RAB3GAP2: variants seen among roughly 807,000 people sequenced by gnomAD.
RAB3GAP2 encodes the protein rab3 GTPase-activating protein non-catalytic subunit.
A neutral mutation model predicts 185.3 loss-of-function variants in RAB3GAP2; 87 were observed. That is an observed-to-expected ratio of 0.47 (90% CI 0.39 to 0.56). RAB3GAP2 has a LOEUF of 0.56. Ranked by LOEUF, RAB3GAP2 falls within the 20% of genes least tolerant of loss-of-function variation. The pLI is 0.00. For missense variants in RAB3GAP2, 1,492 were observed against 1,638.2 expected, an observed-to-expected ratio of 0.91 and a Z score of 1.54; for synonymous variants, 554 against 576.1, an observed-to-expected ratio of 0.96 and a Z score of 0.55.
chr1:220,252,291 TA>T (rs1417898552), intron 1 of RAB3GAP2, among the ~76,000 whole-genome samples: 1 of 152,030 alleles, frequency 6.6e-6, no homozygotes. Context: ...ATATGCATTT[TA>T]TAAAAATGAG....
At chr1:220,254,340 G>A (rs1437518544) in intron 1 of RAB3GAP2, 3 of 1,613,412 alleles carry the variant, frequency 1.9e-6, no homozygotes, top group African/African-American at 1.3e-5. Context: ...TGTCCCAGGT[G>A]TATGGAGCGC....
chr1:220,267,572 T>C lies in RAB3GAP2; in HGVS notation c.115+4651A>G, dbSNP rs547738054. On this transcript the variant is annotated intron_variant, in intron 1 of 34. Coordinates refer to ENST00000358951, the MANE Select transcript of RAB3GAP2 (RefSeq NM_012414.4). ...TTGATTCTTCATTTTTCTGTTTTGA[T>C]GCCAGTTCCTCCTCAGGATTATTTT... is the stretch of plus-strand genomic sequence containing the variant. The C allele has an allele frequency of 6.7e-5, 92 of 1,367,916 alleles. 1 individual carries two copies. The highest frequency in any genetic ancestry group is 1.4e-4 in the South Asian group (12 of 86,000). 84.7% of individuals were successfully genotyped at this position (1,367,916 alleles called of 1,614,324 possible).
At chr1:220,187,950 T>C (rs1658535692) in intron 17 of RAB3GAP2, among the ~76,000 whole-genome samples, 1 of 152,064 alleles carries the variant, frequency 6.6e-6, no homozygotes. Flanking sequence ...GACTGGTACC[T>C]GAAGTAGGTA....
rs780329389 is a variant in RAB3GAP2 at position 220,162,168 on chromosome 1, A to G, written c.3225+30T>C. 4 of 1,439,674 alleles carry G rather than the reference A, an allele frequency of 2.8e-6. No individual in the cohort carries two copies. In the South Asian group the frequency reaches 4.6e-5, roughly 17 times the overall value. 89.2% of individuals were successfully genotyped at this position (1,439,674 alleles called of 1,614,324 possible). A position where few individuals can be genotyped will look rare whatever the true frequency, so the allele number is the denominator to read the frequency against. On this transcript the variant is annotated intron_variant, in intron 28 of 34. Transcript: ENST00000358951. ...TTAGTCAAATAAGAGAATCAAATAAATAAGAAGTCAATACATGAAACTACC... is the reference window on the plus strand; with the variant it reads ...TTAGTCAAATAAGAGAATCAAATAAGTAAGAAGTCAATACATGAAACTACC...
chr1:220,261,012 C>T (rs1660125935), intron 1 of RAB3GAP2, among the ~76,000 whole-genome samples: 1 of 151,994 alleles, frequency 6.6e-6, no homozygotes, highest in Admixed American at 6.5e-5. Context: ...GTTTTAACGT[C>T]TGAAAGGTAG....
At chr1:220,187,000 A>C (rs1489010037) in intron 17 of RAB3GAP2, among the ~76,000 whole-genome samples, 1 of 152,194 alleles carries the variant, frequency 6.6e-6, no homozygotes, top group African/African-American at 2.4e-5. Flanking sequence ...TAGCATTGTC[A>C]GTAGAATGGA....
chr1:220,203,251 AAC>A (rs1658896106), intron 8 of RAB3GAP2, among the ~76,000 whole-genome samples: 2 of 152,224 alleles, frequency 1.3e-5, no homozygotes, highest in African/African-American at 2.4e-5. Flanking sequence ...AAGGAAAAGC[AAC>A]AGTTACATCT....
intron 1 of RAB3GAP2, chr1:220,267,262 T>C: frequency 3.3e-6 from 3 of 909,416 alleles, no homozygotes; most frequent in South Asian, 1.3e-5. Flanking sequence ...AAGTTCTGTA[T>C]TGACTGTTTC....
At position 220,190,445 on chromosome 1, in the gene RAB3GAP2, C is replaced by A; in HGVS notation, c.1563G>T (p.Gln521His). Reference sequence around the variant, plus strand: ...CAGACACTGGATCAACCAGACAGATCTGATAAGTCTGTGGCTGCCAACTCT... The same window carrying A: ...CAGACACTGGATCAACCAGACAGATATGATAAGTCTGTGGCTGCCAACTCT... Reference protein sequence around the residue: ...TSQSWQPQTYQICLVDPVSGS... With the variant: ...TSQSWQPQTYHICLVDPVSGS... The change falls in exon 15 of 35, where the codon CAG (glutamine) becomes CAT (histidine). Residue 521 changes from glutamine to histidine, a missense_variant. Around this residue, in one of 5 missense-constraint regions of RAB3GAP2, gnomAD observed 681 missense variants for 689.1 expected, o/e 0.99. Transcript: ENST00000358951. 1 of 1,613,362 alleles carries A rather than the reference C, an allele frequency of 6.2e-7. No homozygotes were observed. Among genetic ancestry groups the A allele is most frequent in the Non-Finnish European group, 8.5e-7 (1 of 1,179,296 alleles).
At chr1:220,188,640 C>T (rs1487884980) in intron 17 of RAB3GAP2, among the ~76,000 whole-genome samples, 2 of 152,176 alleles carry the variant, frequency 1.3e-5, no homozygotes, top group East Asian at 3.9e-4. Context: ...AATTTGCCAT[C>T]AACTAGTACA....
At chr1:220,262,306 AAAAC>A (rs372184937) in intron 1 of RAB3GAP2, among the ~76,000 whole-genome samples, 9,551 of 151,900 alleles carry the variant, frequency 0.063, 371 homozygotes, top group Middle Eastern at 0.099. Flanking sequence ...GTCTCAAGAA[AAAAC>A]AAACAAACAA....
Position 220,246,971 on chromosome 1 carries a change from G to A in RAB3GAP2, c.116-14108C>T, listed in dbSNP as rs183368707. ...GCACATGAACAGATATTTCTCTAAA[G>A]AAGATATACAAACAGCCAACAAATA... On this transcript the variant is annotated intron_variant, in intron 1 of 34. Transcript: ENST00000358951. Among the ~76,000 whole-genome samples, 270 of 152,158 alleles carry A rather than the reference G, an allele frequency of 1.8e-3. 2 individuals carry two copies. The highest frequency in any genetic ancestry group is 2.3e-3 in the Non-Finnish European group (157 of 67,996).
chr1:220,270,485 T>C (rs1660315433), intron 1 of RAB3GAP2, among the ~76,000 whole-genome samples: 1 of 152,190 alleles, frequency 6.6e-6, no homozygotes, highest in Non-Finnish European at 1.5e-5. Context: ...AGGTTGAAAA[T>C]CTGTATCCTT....
rs1310574245 is a variant in RAB3GAP2, at chr1:220,205,954, A to G, written c.665T>C (p.Phe222Ser). The change falls in exon 8 of 35, where the codon TTT becomes TCT. Residue 222 changes from phenylalanine to serine, a missense_variant. Coordinates refer to ENST00000358951, the MANE Select transcript of RAB3GAP2 (RefSeq NM_012414.4). ...AGCACGAAGAGATTGAAAAAGGCTAAATCCATCAATAGTCACAATGGCAGC... is the reference window on the plus strand; with the variant it reads ...AGCACGAAGAGATTGAAAAAGGCTAGATCCATCAATAGTCACAATGGCAGC... ...YPAAIVTIDG[F>S]SLFQSLRACR... The G allele has an allele frequency of 1.9e-6, 3 of 1,611,878 alleles. No homozygotes were observed. Among genetic ancestry groups the G allele is most frequent in the Non-Finnish European group, 2.5e-6 (3 of 1,178,254 alleles).
chr1:220,184,254 A>T, intron 18 of RAB3GAP2, 91 bp from the exon 19 acceptor site: 1 of 1,226,808 alleles, frequency 8.2e-7, no homozygotes, highest in South Asian at 1.3e-5. Flanking sequence ...AATATTATGT[A>T]ATTCCCTGAT....
At chr1:220,174,582 G>C (rs1447682069) in intron 21 of RAB3GAP2, among the ~76,000 whole-genome samples, 2 of 152,066 alleles carry the variant, frequency 1.3e-5, no homozygotes, top group Admixed American at 1.3e-4. Context: ...AGTTATTATT[G>C]ACTATAGTCA....
At position 220,190,161 on chromosome 1, in the gene RAB3GAP2, A is replaced by G. The variant is rs1369215138; in HGVS notation, c.1632-15T>C. On this transcript the variant is annotated splice_polypyrimidine_tract_variant and intron_variant, in intron 15 of 34. Transcript: ENST00000358951. Reference sequence around the variant, plus strand: ...TCTTCTTATCACTAAACCAATAAATATAACAAATTATTACAGAATGTGAAA... The same window carrying G: ...TCTTCTTATCACTAAACCAATAAATGTAACAAATTATTACAGAATGTGAAA... 2 of 1,590,996 alleles carry G rather than the reference A, an allele frequency of 1.3e-6. No individual in the cohort carries two copies. The highest frequency in any genetic ancestry group is 1.7e-6 in the Non-Finnish European group (2 of 1,159,246).
At chr1:220,223,568 T>A (rs1659347234) in intron 2 of RAB3GAP2, among the ~76,000 whole-genome samples, 1 of 152,032 alleles carries the variant, frequency 6.6e-6, no homozygotes, top group Non-Finnish European at 1.5e-5. Flanking sequence ...TAAAGTATGA[T>A]AACATACTAG....
intron 2 of RAB3GAP2, among the ~76,000 whole-genome samples, chr1:220,227,878 A>G (rs1209354817): frequency 6.6e-6 from 1 of 152,108 alleles, no homozygotes; most frequent in Non-Finnish European, 1.5e-5. Flanking sequence ...TAGTCTCCAA[A>G]GTAGCTGGGA....
Sources: gnomAD v4.1 joint callset for allele counts (sites outside exome capture counted in the v4.1 genomes callset) on GRCh38, gnomAD v4.1.1 for gene constraint, gnomAD v4.1.1 regional missense constraint, MANE v1.5 for transcripts, NCBI Gene and HGNC (gene_info 2026-07-23, HGNC 2026-07-21) for gene names.